Variants in RASAL2 observed in about 807,000 individuals in gnomAD.
The protein encoded by RASAL2 is RAS protein activator like 2.
A neutral mutation model predicts 128.9 loss-of-function variants in RASAL2; 58 were observed. The ratio of observed to expected loss-of-function variants is 0.45; its 90% CI spans 0.36 to 0.56. The LOEUF (loss-of-function observed/expected upper bound fraction) is 0.56. Among genes scored for constraint, RASAL2 ranks in the 20% least tolerant of loss-of-function variants. The probability of loss-of-function intolerance (pLI) is 0.00; values close to 1 mark genes in which losing one functional copy is unlikely to be tolerated. For missense variants in RASAL2, 1,360 were observed against 1,601.6 expected (o/e 0.85, Z 2.57); for synonymous variants, 561 against 580.8 (o/e 0.97, Z 0.49).
At chr1:178,208,559 A>G (rs979807906) in intron 1 of RASAL2, among the ~76,000 whole-genome samples, 9 of 152,208 alleles carry the variant, frequency 5.9e-5, no homozygotes, top group Non-Finnish European at 1.2e-4. Flanking sequence ...ATGTTTATCA[A>G]TAGAATACAT....
chr1:178,115,263 G>A (rs1283057993), intron 1 of RASAL2, among the ~76,000 whole-genome samples: 1 of 152,184 alleles, frequency 6.6e-6, no homozygotes, highest in African/African-American at 2.4e-5. Context: ...ATTGTCAAAT[G>A]TATTAACATA....
intron 1 of RASAL2, among the ~76,000 whole-genome samples, chr1:178,190,818 G>A (rs1170413653): frequency 6.6e-6 from 1 of 151,780 alleles, no homozygotes; most frequent in East Asian, 1.9e-4. Flanking sequence ...GTTTTTAGGT[G>A]GTGAAGACCT....
intron 1 of RASAL2, among the ~76,000 whole-genome samples, chr1:178,130,712 A>G (rs1660072355): frequency 6.6e-6 from 1 of 152,200 alleles, no homozygotes; most frequent in Non-Finnish European, 1.5e-5. Flanking sequence ...TGTTTGGCAG[A>G]TGTAATCAAA....
At chr1:178,195,856 T>A (rs1009392679) in intron 1 of RASAL2, among the ~76,000 whole-genome samples, 1 of 152,076 alleles carries the variant, frequency 6.6e-6, no homozygotes, top group Non-Finnish European at 1.5e-5. Flanking sequence ...AAGGCTGTTA[T>A]TATAATCATA....
chr1:178,319,820 T>C (rs1253145942), intron 3 of RASAL2, among the ~76,000 whole-genome samples: 1 of 152,242 alleles, frequency 6.6e-6, no homozygotes, highest in African/African-American at 2.4e-5. Flanking sequence ...CATCCAGCTT[T>C]GTTCTGTTGC....
intron 3 of RASAL2, among the ~76,000 whole-genome samples, chr1:178,386,516 T>C (rs1262795325): frequency 1.3e-5 from 2 of 152,212 alleles, no homozygotes. Context: ...TCTCTCATCA[T>C]TTTAAGTCAT....
rs1039456607 is a variant in RASAL2, at chr1:178,096,679, T to C, written c.202+1985T>C. On this transcript the variant is annotated intron_variant, in intron 1 of 17. Coordinates refer to ENST00000367649, the MANE Select transcript of RASAL2 (RefSeq NM_170692.4). ...TATGTATATGTGTGTGACACACACA[T>C]ATACATACCATGCCTTGCATTTTTG... is the stretch of plus-strand genomic sequence containing the variant. 4.6e-5 allele frequency among the ~76,000 whole-genome samples: 7 copies of C among 151,966 alleles called. No homozygotes were observed. In the South Asian group the frequency reaches 1.2e-3, roughly 27 times the overall value.
intron 3 of RASAL2, among the ~76,000 whole-genome samples, chr1:178,318,505 AG>A (rs1668595154): frequency 6.6e-6 from 1 of 150,660 alleles, no homozygotes; most frequent in Non-Finnish European, 1.5e-5. Context: ...TATTTAGGAT[AG>A]TTAGCTCTTC....
intron 1 of RASAL2, among the ~76,000 whole-genome samples, chr1:178,162,892 T>A (rs1425432173): frequency 6.6e-6 from 1 of 151,836 alleles, no homozygotes; most frequent in Non-Finnish European, 1.5e-5. Flanking sequence ...GAGATTTCTT[T>A]ATATATACTT....
At chr1:178,248,240 A>T (rs892294364) in intron 1 of RASAL2, among the ~76,000 whole-genome samples, 1 of 152,100 alleles carries the variant, frequency 6.6e-6, no homozygotes, top group African/African-American at 2.4e-5. Flanking sequence ...TTGCTTTATG[A>T]ATCTGGTTGC....
chr1:178,301,542 C>T (rs985362750), intron 3 of RASAL2, among the ~76,000 whole-genome samples: 1 of 151,978 alleles, frequency 6.6e-6, no homozygotes, highest in Non-Finnish European at 1.5e-5. Flanking sequence ...AAGCAATTCT[C>T]CTGCCTCAGC....
chr1:178,150,282 C>A (rs1194760396), intron 1 of RASAL2, among the ~76,000 whole-genome samples: 2 of 151,998 alleles, frequency 1.3e-5, no homozygotes, highest in African/African-American at 4.8e-5. Context: ...GCAACCTCCA[C>A]CTCCTGGGTT....
At chr1:178,374,449 G>A (rs1452938118) in intron 3 of RASAL2, among the ~76,000 whole-genome samples, 2 of 152,072 alleles carry the variant, frequency 1.3e-5, no homozygotes, top group Non-Finnish European at 2.9e-5. Flanking sequence ...CCTCCAGAAG[G>A]GGGGATGCAA....
intron 3 of RASAL2, among the ~76,000 whole-genome samples, chr1:178,360,845 A>G (rs1470518433): frequency 2.0e-5 from 3 of 152,154 alleles, no homozygotes; most frequent in Non-Finnish European, 4.4e-5. Flanking sequence ...GTTTGTAGGT[A>G]TGGGTGGGAA....
chr1:178,170,978 A>C (rs532671824), intron 1 of RASAL2, among the ~76,000 whole-genome samples: 1 of 151,946 alleles, frequency 6.6e-6, no homozygotes, highest in South Asian at 2.1e-4. Context: ...AATTCATTTC[A>C]TTTAAATTTC....
chr1:178,397,570 G>T, intron 4 of RASAL2, among the ~76,000 whole-genome samples: 1 of 151,932 alleles, frequency 6.6e-6, no homozygotes, highest in African/African-American at 2.4e-5. Context: ...GCACAGCTTT[G>T]GGGATATATA....
chr1:178,427,063 A>G (rs900316132), intron 5 of RASAL2, among the ~76,000 whole-genome samples: 1 of 152,170 alleles, frequency 6.6e-6, no homozygotes, highest in African/African-American at 2.4e-5. Context: ...GGCAAAATCA[A>G]TAGGATGTCA....
Position 178,390,088 on chromosome 1 carries a change from C to T in RASAL2, c.458-12C>T, listed in dbSNP as rs1273415052. On this transcript the variant is annotated splice_polypyrimidine_tract_variant and intron_variant, in intron 3 of 17. Transcript: ENST00000367649. ...TTCTTAATGATGTTTCAACTTTCCT[C>T]CTTTTTTCCAGAGGTACCAGCAGAA... is the stretch of plus-strand genomic sequence containing the variant. 1 of 1,574,730 alleles carries T rather than the reference C, an allele frequency of 6.4e-7. No homozygotes were observed. Among genetic ancestry groups the T allele is most frequent in the Non-Finnish European group, 8.6e-7 (1 of 1,158,458 alleles).
intron 1 of RASAL2, among the ~76,000 whole-genome samples, chr1:178,171,551 T>A (rs146266803): frequency 6.6e-6 from 1 of 151,976 alleles, no homozygotes; most frequent in African/African-American, 2.4e-5. Context: ...ACTTGTATAG[T>A]TGGGGTGCAC....
Sources: allele counts gnomAD v4.1 joint callset (sites outside exome capture counted in the v4.1 genomes callset), GRCh38; gene constraint gnomAD v4.1.1; transcripts MANE v1.5; gene names NCBI Gene and HGNC (gene_info 2026-07-23, HGNC 2026-07-21).